The following LGR6 variants were observed in gnomAD, a reference collection of about 807,000 sequenced individuals.
LGR6 encodes the protein leucine rich repeat containing G protein-coupled receptor 6, also known as leucine-rich repeat-containing G protein-coupled receptor 6.
A neutral mutation model predicts 69.4 loss-of-function variants in LGR6; 45 were observed. The ratio of observed to expected loss-of-function variants is 0.65; its 90% CI spans 0.51 to 0.83. The LOEUF is 0.83. Ranked by LOEUF, LGR6 falls within the 40% of genes least tolerant of loss-of-function variation. The probability of loss-of-function intolerance (pLI) is 0.00; values close to 1 mark genes in which losing one functional copy is unlikely to be tolerated. For missense variants in LGR6, 1,108 were observed against 1,246.7 expected, an observed-to-expected ratio of 0.89 and a Z score of 1.68; for synonymous variants, 538 against 555.0, an observed-to-expected ratio of 0.97 and a Z score of 0.43.
intron 4 of LGR6, among the ~76,000 whole-genome samples, chr1:202,266,033 G>C (rs1422765568): frequency 2.0e-5 from 3 of 151,228 alleles, no homozygotes; most frequent in Non-Finnish European, 4.4e-5. Context: ...TTCCAAGTCT[G>C]TGTCTCATTT....
intron 1 of LGR6, among the ~76,000 whole-genome samples, chr1:202,199,515 C>T (rs1414731579): frequency 2.6e-5 from 4 of 152,284 alleles, no homozygotes; most frequent in Admixed American, 2.0e-4. Context: ...CCGGGTGGGG[C>T]GGCTGGCGGA....
At chr1:202,199,410 G>A (rs1201269852) in intron 1 of LGR6, among the ~76,000 whole-genome samples, 4 of 152,140 alleles carry the variant, frequency 2.6e-5, no homozygotes, top group Non-Finnish European at 5.9e-5. Context: ...GTGTGGGGGA[G>A]CCAACACCCC....
chr1:202,299,299 G>A (rs1372437184), intron 7 of LGR6, among the ~76,000 whole-genome samples: 2 of 150,574 alleles, frequency 1.3e-5, no homozygotes, highest in Non-Finnish European at 3.0e-5. Flanking sequence ...AGAAACTATT[G>A]GAATTTCTCC....
chr1:202,222,524 C>T (rs765919021), intron 1 of LGR6, among the ~76,000 whole-genome samples: 69 of 152,164 alleles, frequency 4.5e-4, no homozygotes, highest in Admixed American at 1.4e-3. Flanking sequence ...TCCTTGAACT[C>T]CCGCTGCGTT....
chr1:202,309,091 G>A lies in LGR6; in HGVS notation c.1321G>A (p.Gly441Arg). The A allele has an allele frequency of 6.2e-7, 1 of 1,614,122 alleles. No homozygotes were observed. Among genetic ancestry groups the A allele is most frequent in the Non-Finnish European group, 8.5e-7 (1 of 1,179,990 alleles). The change falls in exon 15 of 18, where the codon GGA becomes AGA. Residue 441 changes from glycine (G) to arginine (R), a missense_variant. Transcript: ENST00000367278. The part of the protein sequence containing the change: ...DNQLTTLPLA[G>R]LGGLMHLKLK... ...CCAGCTGACCACACTGCCCCTGGCT[G>A]GACTTGGGGGCTTGATGCATCTGAA...
At chr1:202,223,562 C>T (rs1660311092) in intron 1 of LGR6, among the ~76,000 whole-genome samples, 1 of 151,992 alleles carries the variant, frequency 6.6e-6, no homozygotes, top group South Asian at 2.1e-4. Context: ...GGGGCAGTGC[C>T]CAGCTTGTGG....
Position 202,225,499 on chromosome 1 carries a change from G to A in LGR6, c.284+5G>A, listed in dbSNP as rs1394596536. On this transcript the variant is annotated splice_donor_5th_base_variant and intron_variant, in intron 2 of 17. Transcript: ENST00000367278. The stretch of plus-strand genomic sequence containing the variant: ...CCTGCGCTTCTTGGAGGAGCTGTGA[G>A]TAGATGCTTTGCAGGGTGGGAGGCA... 3 of 1,613,162 alleles carry A rather than the reference G, an allele frequency of 1.9e-6. No homozygotes were observed. Among genetic ancestry groups the A allele is most frequent in the South Asian group, 1.1e-5 (1 of 91,058 alleles).
chr1:202,227,962 A>T lies in LGR6; in HGVS notation c.311A>T (p.His104Leu). The change falls in exon 3 of 18, where the codon CAC becomes CTC. Residue 104 changes from histidine (H) to leucine (L), a missense_variant. Coordinates refer to ENST00000367278, the MANE Select transcript of LGR6 (RefSeq NM_001017403.2). ...CGTCTCTCTGGGAACCATCTCTCAC[A>T]CATCCCAGGACAAGCATTCTCTGGT... ...ELRLSGNHLS[H>L]IPGQAFSGLY... 6.2e-7 allele frequency: 1 copy of T among 1,613,828 alleles called. No homozygotes were observed. The highest frequency in any genetic ancestry group is 8.5e-7 in the Non-Finnish European group (1 of 1,179,782).
intron 1 of LGR6, among the ~76,000 whole-genome samples, chr1:202,212,987 C>T (rs941564777): frequency 3.3e-5 from 5 of 152,162 alleles, no homozygotes. Context: ...GAGATTCCTC[C>T]AGCACTAATG....
At chr1:202,252,837 G>GAC (rs1663384755) in intron 4 of LGR6, among the ~76,000 whole-genome samples, 1 of 152,240 alleles carries the variant, frequency 6.6e-6, no homozygotes, top group African/African-American at 2.4e-5. Context: ...ACTGTGTCCA[G>GAC]ACTGCTTTGA....
rs2361431 is a variant in LGR6, at chr1:202,193,935, T to C, written c.-55T>C. ...GACCGGGAGGAAGCAGCTGCGGCCA[T>C]CGCGCCGTGCGTCCGCGCCCGGCCG... On this transcript the variant is annotated 5_prime_UTR_variant, in exon 1 of 18. Transcript: ENST00000367278. 0.8 allele frequency: 925,951 copies of C among 1,156,860 alleles called. 377,948 individuals carry two copies. The highest frequency in any genetic ancestry group is 0.92 in the South Asian group (38,451 of 41,780). The allele number at this position is 1,156,860 out of a possible 1,614,324, so 71.7% of individuals were successfully genotyped here.
chr1:202,221,230 C>G (rs1342489988), intron 1 of LGR6, among the ~76,000 whole-genome samples: 1 of 152,068 alleles, frequency 6.6e-6, no homozygotes, highest in African/African-American at 2.4e-5. Flanking sequence ...GGGATATGAG[C>G]CAGATTGCCT....
At chr1:202,256,156 T>C (rs538751513) in intron 4 of LGR6, among the ~76,000 whole-genome samples, 188 of 152,364 alleles carry the variant, frequency 1.2e-3, no homozygotes, top group Non-Finnish European at 2.2e-3. Context: ...TTTTAATATC[T>C]GGCTTTTTTT....
At chr1:202,260,072 G>A (rs1195008866) in intron 4 of LGR6, among the ~76,000 whole-genome samples, 2 of 152,164 alleles carry the variant, frequency 1.3e-5, no homozygotes, top group Admixed American at 6.5e-5. Flanking sequence ...TTTCTGAGAC[G>A]GAGTCTCACT....
chr1:202,288,169 T>A (rs921020603), intron 6 of LGR6, among the ~76,000 whole-genome samples: 35 of 152,214 alleles, frequency 2.3e-4, no homozygotes, highest in African/African-American at 8.4e-4. Context: ...GTCTGGAATG[T>A]TCTTTCCACC....
intron 4 of LGR6, among the ~76,000 whole-genome samples, chr1:202,262,521 A>T (rs959843203): frequency 6.6e-6 from 1 of 152,082 alleles, no homozygotes. Flanking sequence ...GTCAGGTAGC[A>T]TGATGCCTCC....
chr1:202,232,723 T>C (rs907250834), intron 3 of LGR6, among the ~76,000 whole-genome samples: 2 of 152,156 alleles, frequency 1.3e-5, no homozygotes, highest in Non-Finnish European at 2.9e-5. Context: ...AACCGCTGGA[T>C]TAGATAGACT....
intron 5 of LGR6, 115 bp downstream of exon 5, chr1:202,276,636 A>G (rs1665583654): frequency 6.0e-6 from 5 of 839,866 alleles, no homozygotes; most frequent in Admixed American, 2.5e-5. Flanking sequence ...GCATGTTGCT[A>G]AACCTTCTGG....
chr1:202,303,895 T>C (rs7532633), intron 10 of LGR6, among the ~76,000 whole-genome samples: 54,334 of 152,058 alleles, frequency 0.36, 11,191 homozygotes, highest in Non-Finnish European at 0.46. Flanking sequence ...ACTGGGGCTC[T>C]CCTCTGTGCC....
Sources: allele counts gnomAD v4.1 joint callset (sites outside exome capture counted in the v4.1 genomes callset), GRCh38; gene constraint gnomAD v4.1.1; transcripts MANE v1.5; gene names NCBI Gene and HGNC (gene_info 2026-07-23, HGNC 2026-07-21).